The following FILIP1L variants were observed in gnomAD, a reference collection of about 807,000 sequenced individuals.
FILIP1L encodes filamin A interacting protein 1 like.
FILIP1L carries 55 observed loss-of-function variants against 96.6 expected under a neutral mutation model. The ratio of observed to expected loss-of-function variants is 0.57; its 90% CI spans 0.46 to 0.71. The LOEUF is 0.71. Ranked by LOEUF, FILIP1L falls within the 30% of genes least tolerant of loss-of-function variation. The pLI is 0.00. For synonymous variants in FILIP1L, 467 were observed against 473.9 expected (o/e 0.99, Z 0.19); for missense variants, 1,304 against 1,321.2 (o/e 0.99, Z 0.20).
At chr3:99,930,744 T>A (rs1246869833) in intron 2 of FILIP1L, 25 bp downstream of exon 2, 1 of 1,608,790 alleles carries the variant, frequency 6.2e-7, no homozygotes, top group Non-Finnish European at 8.5e-7. Context: ...TGAAGCATGA[T>A]GGGGATAACT....
At chr3:99,873,819 T>C (rs990173821) in intron 4 of FILIP1L, among the ~76,000 whole-genome samples, 3 of 152,186 alleles carry the variant, frequency 2.0e-5, no homozygotes, top group Non-Finnish European at 2.9e-5. Flanking sequence ...CATCACAGCA[T>C]TAGGAAAATA....
At chr3:100,038,910 AAAG>A (rs1318221130) in intron 1 of FILIP1L, among the ~76,000 whole-genome samples, 102 of 152,318 alleles carry the variant, frequency 6.7e-4, no homozygotes, top group African/African-American at 2.3e-3. Flanking sequence ...CATGTAATAA[AAAG>A]AAGAAAGAAT....
intron 5 of FILIP1L, among the ~76,000 whole-genome samples, chr3:99,842,323 G>A (rs554858302): frequency 1.2e-4 from 18 of 152,234 alleles, no homozygotes; most frequent in African/African-American, 4.1e-4. Context: ...TGCACTCTGG[G>A]GACTCAGGGG....
At chr3:100,071,608 G>A (rs1055826825) in intron 1 of FILIP1L, among the ~76,000 whole-genome samples, 3 of 152,068 alleles carry the variant, frequency 2.0e-5, no homozygotes, top group Non-Finnish European at 2.9e-5. Flanking sequence ...TGATGTCCTC[G>A]GGCCAGTGTT....
At chr3:99,873,933 A>G (rs994755137) in intron 4 of FILIP1L, among the ~76,000 whole-genome samples, 3 of 152,328 alleles carry the variant, frequency 2.0e-5, no homozygotes, top group African/African-American at 7.2e-5. Context: ...AAGTGTAGAA[A>G]TTCACATTCA....
chr3:100,107,536 A>G (rs114262672), intron 1 of FILIP1L, among the ~76,000 whole-genome samples: 1,633 of 152,236 alleles, frequency 0.011, 34 homozygotes, highest in African/African-American at 0.036. Flanking sequence ...TCTGAAACTA[A>G]CCTAACCACT....
chr3:99,976,723 A>C (rs1220460764), intron 1 of FILIP1L, among the ~76,000 whole-genome samples: 1 of 151,936 alleles, frequency 6.6e-6, no homozygotes, highest in Non-Finnish European at 1.5e-5. Flanking sequence ...TTATTATCTT[A>C]TTTTATTGTT....
intron 4 of FILIP1L, among the ~76,000 whole-genome samples, chr3:99,894,776 T>C (rs1706195982): frequency 6.6e-6 from 1 of 152,166 alleles, no homozygotes. Flanking sequence ...TGTGATAGTA[T>C]GGTGATTTTG....
intron 5 of FILIP1L, among the ~76,000 whole-genome samples, chr3:99,837,208 C>T (rs1382390660): frequency 2.0e-5 from 3 of 152,088 alleles, no homozygotes; most frequent in South Asian, 4.1e-4. Context: ...CAGCATGATC[C>T]GTACTCACTG....
chr3:99,976,416 T>C lies in FILIP1L; in HGVS notation c.-10-45386A>G, dbSNP rs183687493. Among the ~76,000 whole-genome samples the C allele has an allele frequency of 3.9e-5, 6 of 152,336 alleles. No individual in the cohort carries two copies. The East Asian group carries it at 5.8e-4, about 15-fold the overall frequency. ...TTAAACTGTGTCCAAAAGAAATTCA[T>C]AGATATCATGAACTTAGAAACAGTA... On this transcript the variant is annotated intron_variant, in intron 1 of 5. Transcript: ENST00000477258.
chr3:99,991,973 CACAT>C (rs1048118521), intron 1 of FILIP1L, among the ~76,000 whole-genome samples: 2 of 147,018 alleles, frequency 1.4e-5, no homozygotes, highest in African/African-American at 2.5e-5. Context: ...TATATATACA[CACAT>C]ATATGTGTAT....
intron 1 of FILIP1L, among the ~76,000 whole-genome samples, chr3:99,942,408 G>T (rs193244719): frequency 2.6e-5 from 4 of 152,160 alleles, no homozygotes; most frequent in Admixed American, 6.5e-5. Context: ...AAATATTGAG[G>T]ATCTCTGAAG....
intron 1 of FILIP1L, among the ~76,000 whole-genome samples, chr3:99,996,111 T>G (rs1009166629): frequency 6.6e-6 from 1 of 152,234 alleles, no homozygotes; most frequent in Non-Finnish European, 1.5e-5. Context: ...TATGCTCTGC[T>G]TCCCTTACAA....
chr3:99,850,524 C>A lies in FILIP1L; in HGVS notation c.1152G>T (p.Gly384=), dbSNP rs1168700892. ...ELRKRVLDME[G]KDEELIKMEE... ...CCATTTTTATGAGCTCTTCATCTTT[C>A]CCTTCCATATCTAGCACACGTTTCC... Residue 384 remains glycine, a synonymous_variant, in exon 5 of 6, where the codon GGG becomes GGT. Coordinates refer to ENST00000477258, the MANE Select transcript of FILIP1L (RefSeq NM_001387850.1). The A allele has an allele frequency of 6.2e-7, 1 of 1,613,250 alleles. No homozygotes were observed. The highest frequency in any genetic ancestry group is 1.1e-5 in the South Asian group (1 of 90,870).
chr3:100,037,764 GAATGTTTA>G (rs1281773787), intron 1 of FILIP1L, among the ~76,000 whole-genome samples: 1 of 152,078 alleles, frequency 6.6e-6, no homozygotes, highest in Non-Finnish European at 1.5e-5. Context: ...GTGTATAAGT[GAATGTTTA>G]AATGTTTTTG....
At chr3:99,840,079 A>T (rs571954991) in intron 5 of FILIP1L, among the ~76,000 whole-genome samples, 20 of 152,152 alleles carry the variant, frequency 1.3e-4, no homozygotes, top group Non-Finnish European at 2.8e-4. Flanking sequence ...ATGCTCCTAA[A>T]CATTATACAG....
At chr3:99,914,471 C>T (rs1706889253) in intron 4 of FILIP1L, among the ~76,000 whole-genome samples, 1 of 152,040 alleles carries the variant, frequency 6.6e-6, no homozygotes. Flanking sequence ...CTAAACAAAG[C>T]CCAAGTCAGT....
intron 1 of FILIP1L, among the ~76,000 whole-genome samples, chr3:99,992,406 G>A (rs1277141045): frequency 6.6e-6 from 1 of 151,944 alleles, no homozygotes; most frequent in Non-Finnish European, 1.5e-5. Context: ...TTAATTTGCA[G>A]TTCTCTGGTA....
chr3:99,870,399 T>C (rs1362856464), intron 4 of FILIP1L, among the ~76,000 whole-genome samples: 1 of 152,210 alleles, frequency 6.6e-6, no homozygotes, highest in Non-Finnish European at 1.5e-5. Context: ...TTCTCCCACA[T>C]TGTTTATCTT....
Sources: gnomAD v4.1 joint callset for allele counts (sites outside exome capture counted in the v4.1 genomes callset) on GRCh38, gnomAD v4.1.1 for gene constraint, MANE v1.5 for transcripts, NCBI Gene and HGNC (gene_info 2026-07-23, HGNC 2026-07-21) for gene names.